Variants in AOPEP observed in about 807,000 individuals in gnomAD.
The protein encoded by AOPEP is aminopeptidase O.
AOPEP carries 77 observed loss-of-function variants against 98.1 expected under a neutral mutation model. The ratio of observed to expected loss-of-function variants is 0.78; its 90% CI spans 0.65 to 0.95. AOPEP has a LOEUF of 0.95. Ranked by LOEUF, AOPEP falls within the 40% of genes least tolerant of loss-of-function variation. The probability of loss-of-function intolerance (pLI) is 0.00; values close to 1 mark genes in which losing one functional copy is unlikely to be tolerated. For synonymous variants in AOPEP, 346 were observed against 365.3 expected (o/e 0.95, Z 0.60); for missense variants, 1,024 against 1,024.7 (o/e 1.00, Z 0.01).
intron 14 of AOPEP, among the ~76,000 whole-genome samples, chr9:95,066,610 G>A (rs1587881087): frequency 6.6e-6 from 1 of 152,224 alleles, no homozygotes; most frequent in East Asian, 1.9e-4. Flanking sequence ...CCTGCCGTCT[G>A]CTGTTTGCAC....
chr9:95,136,899 T>C, the AOPEP span, among the ~76,000 whole-genome samples: 2 of 152,164 alleles, frequency 1.3e-5, no homozygotes, highest in Non-Finnish European at 2.9e-5. Context: ...GAGGGGCACA[T>C]GTCTGTCTCT....
chr9:94,971,115 G>A (rs2059508934), intron 10 of AOPEP, among the ~76,000 whole-genome samples: 1 of 152,114 alleles, frequency 6.6e-6, no homozygotes, highest in Non-Finnish European at 1.5e-5. Context: ...TGGCTCTGGG[G>A]GAACCTGGAT....
At chr9:94,974,731 C>CACAG (rs1645826190) in intron 10 of AOPEP, among the ~76,000 whole-genome samples, 1 of 152,168 alleles carries the variant, frequency 6.6e-6, no homozygotes, top group Non-Finnish European at 1.5e-5. Flanking sequence ...TTGGAGCAGG[C>CACAG]ACAGGCCCAC....
Position 94,939,016 on chromosome 9 carries a change from G to A in AOPEP, c.1661+10485G>A, listed in dbSNP as rs142359442. On this transcript the variant is annotated intron_variant, in intron 7 of 16. Coordinates refer to ENST00000375315, the MANE Select transcript of AOPEP (RefSeq NM_001193329.3). ...TGTAATCCCAGCACTTTGGGAGGCC[G>A]AGGCCGGCAGATCACAAGGTCAGGA... 2.0e-4 allele frequency among the ~76,000 whole-genome samples: 31 copies of A among 152,260 alleles called. No homozygotes were observed. The East Asian group carries it at 5.8e-3, about 28-fold the overall frequency.
At chr9:94,913,270 A>G (rs374333356) in intron 5 of AOPEP, among the ~76,000 whole-genome samples, 1 of 152,342 alleles carries the variant, frequency 6.6e-6, no homozygotes, top group South Asian at 2.1e-4. Flanking sequence ...TGGAAAGGTT[A>G]GTTAAAATCA....
chr9:94,759,236 T>G (rs1837723003), intron 1 of AOPEP, among the ~76,000 whole-genome samples: 1 of 152,260 alleles, frequency 6.6e-6, no homozygotes, highest in African/African-American at 2.4e-5. Flanking sequence ...CATTTAGCCT[T>G]CATTCACACT....
At chr9:94,919,025 C>T (rs1230736644) in intron 5 of AOPEP, among the ~76,000 whole-genome samples, 2 of 151,950 alleles carry the variant, frequency 1.3e-5, no homozygotes, top group Non-Finnish European at 2.9e-5. Flanking sequence ...AAGCCATTCT[C>T]TTGCTTCAGC....
intron 11 of AOPEP, among the ~76,000 whole-genome samples, chr9:94,982,160 C>A (rs1187889406): frequency 6.6e-6 from 1 of 152,052 alleles, no homozygotes; most frequent in Non-Finnish European, 1.5e-5. Context: ...AAGAAGTACA[C>A]ATTTACTTTG....
In AOPEP at chr9:94,847,127, T is replaced by TACACACACAC. The variant is rs57318947; in HGVS notation, c.1364+46142_1364+46151dup. On this transcript the variant is annotated intron_variant, in intron 5 of 16. Transcript: ENST00000375315. ...TTGGTAGATTTGGTGGTTCCCTTTG[T>TACACACACAC]ACACACACACACACACACACACACA... Among the ~76,000 whole-genome samples, 707 of 125,110 alleles carry TACACACACAC rather than the reference T, an allele frequency of 5.7e-3. 4 individuals are homozygous for TACACACACAC. The highest frequency in any genetic ancestry group is 0.011 in the African/African-American group (393 of 35,856). The allele number at this position is 125,110 out of a possible 152,430, so 82.1% of individuals were successfully genotyped here.
In AOPEP at chr9:94,925,489, C is replaced by T. The variant is rs553024575; in HGVS notation, c.1554+1314C>T. Among the ~76,000 whole-genome samples the T allele has an allele frequency of 2.6e-4, 40 of 152,338 alleles. No individual in the cohort carries two copies. In the South Asian group the frequency reaches 8.3e-3, roughly 32 times the overall value. ...TCTCTAGCTAGCCCAGGCTGATTAC[C>T]CGGCTCACAATTCAACACTACCCTC... is the stretch of plus-strand genomic sequence containing the variant. On this transcript the variant is annotated intron_variant, in intron 6 of 16. Transcript: ENST00000375315.
the AOPEP span, among the ~76,000 whole-genome samples, chr9:95,140,884 C>CA: frequency 6.6e-6 from 1 of 152,122 alleles, no homozygotes. Context: ...CAGCCACCAA[C>CA]AAGCAGAAGA....
At chr9:95,099,754 C>G in the AOPEP span, 2 of 232,378 alleles carry the variant, frequency 8.6e-6, no homozygotes, top group Admixed American at 5.6e-5. Flanking sequence ...CCACCGCACC[C>G]GTGAGAGGAC....
At chr9:94,811,315 A>G (rs2767404) in intron 5 of AOPEP, among the ~76,000 whole-genome samples, 34,409 of 152,076 alleles carry the variant, frequency 0.23, 5,646 homozygotes, top group African/African-American at 0.46. Flanking sequence ...TAGGCTTTAT[A>G]TGCCCCAGCA....
At chr9:95,011,492 G>A (rs925039684) in intron 13 of AOPEP, among the ~76,000 whole-genome samples, 4 of 151,946 alleles carry the variant, frequency 2.6e-5, no homozygotes, top group Non-Finnish European at 5.9e-5. Context: ...ATGAGCCACC[G>A]CGCACAGCTG....
intron 5 of AOPEP, among the ~76,000 whole-genome samples, chr9:94,856,158 G>A (rs1409431567): frequency 6.6e-6 from 1 of 152,156 alleles, no homozygotes; most frequent in Non-Finnish European, 1.5e-5. Flanking sequence ...CTCAGGCCAC[G>A]TGTTCATAGA....
intron 7 of AOPEP, among the ~76,000 whole-genome samples, chr9:94,949,608 C>A (rs2057951710): frequency 6.6e-6 from 1 of 152,212 alleles, no homozygotes; most frequent in African/African-American, 2.4e-5. Context: ...GCTGTTAAAT[C>A]CATTTTGAAA....
chr9:94,902,946 C>T (rs1262411197), intron 5 of AOPEP, among the ~76,000 whole-genome samples: 1 of 150,300 alleles, frequency 6.7e-6, no homozygotes, highest in African/African-American at 2.5e-5. Context: ...CCCAGTTACT[C>T]GGGAGACTGA....
At chr9:94,826,573 G>T (rs893496159) in intron 5 of AOPEP, among the ~76,000 whole-genome samples, 5 of 152,218 alleles carry the variant, frequency 3.3e-5, no homozygotes, top group African/African-American at 9.7e-5. Context: ...AGATGGGTGT[G>T]ACACATTGCA....
the AOPEP span, among the ~76,000 whole-genome samples, chr9:95,096,124 C>T: frequency 6.6e-6 from 1 of 152,152 alleles, no homozygotes; most frequent in Non-Finnish European, 1.5e-5. Context: ...CAGATGCCGA[C>T]GCTGGGAAAG....
Sources: gnomAD v4.1 joint callset for allele counts (sites outside exome capture counted in the v4.1 genomes callset) on GRCh38, gnomAD v4.1.1 for gene constraint, MANE v1.5 for transcripts, NCBI Gene and HGNC (gene_info 2026-07-23, HGNC 2026-07-21) for gene names.